The following SMC6 variants were observed in gnomAD, a reference collection of about 807,000 sequenced individuals.
SMC6 encodes structural maintenance of chromosomes 6, also known as structural maintenance of chromosomes protein 6.
SMC6 carries 79 observed loss-of-function variants against 142.2 expected under a neutral mutation model. That is an observed-to-expected ratio of 0.56 (90% CI 0.46 to 0.67). SMC6 has a LOEUF of 0.67. Among genes scored for constraint, SMC6 ranks in the 30% least tolerant of loss-of-function variants. The pLI is 0.00. For synonymous variants in SMC6, 411 were observed against 412.4 expected (o/e 1.00, Z 0.04); for missense variants, 1,072 against 1,284.0 (o/e 0.83, Z 2.52).
chr2:17,724,058 T>C (rs192683098), intron 9 of SMC6, among the ~76,000 whole-genome samples: 113 of 152,288 alleles, frequency 7.4e-4, no homozygotes, highest in African/African-American at 2.6e-3. Context: ...AGAAAATAAG[T>C]GTTTAATCCC....
chr2:17,701,958 C>A, intron 19 of SMC6, 49 bp from the exon 20 acceptor site: 3 of 981,342 alleles, frequency 3.1e-6, no homozygotes, highest in South Asian at 1.5e-5. Flanking sequence ...AAATTTAAAC[C>A]GAAAACCTTG....
chr2:17,721,175 T>G lies in SMC6; in HGVS notation c.813A>C (p.Leu271Phe). 6.2e-7 allele frequency: 1 copy of G among 1,612,170 alleles called. No individual in the cohort carries two copies. Among genetic ancestry groups the G allele is most frequent in the African/African-American group, 1.3e-5 (1 of 74,926 alleles). The change falls in exon 10 of 28, where the codon TTA becomes TTC. Residue 271 changes from leucine to phenylalanine, a missense_variant. Physicochemically the swap from Leu to Phe is conservative, Grantham distance 22. Coordinates refer to ENST00000448223, the MANE Select transcript of SMC6 (RefSeq NM_001142286.2). ...IAGLSTMKTN[L>F]ESLKHEMAWA... is the part of the protein sequence containing the mutation. ...AAGCCATTTCATGTTTCAAGGACTCTAAATTAGTCTTCATTGTACTTAAAC... is the reference window on the plus strand; with the variant it reads ...AAGCCATTTCATGTTTCAAGGACTCGAAATTAGTCTTCATTGTACTTAAAC...
At chr2:17,707,813 G>C (rs1197590627) in intron 17 of SMC6, among the ~76,000 whole-genome samples, 1 of 151,940 alleles carries the variant, frequency 6.6e-6, no homozygotes, top group Non-Finnish European at 1.5e-5. Context: ...AATATGTAGG[G>C]AAAGTCTGGA....
chr2:17,733,202 C>A (rs1281977066), intron 5 of SMC6, among the ~76,000 whole-genome samples: 5 of 152,254 alleles, frequency 3.3e-5, no homozygotes, highest in South Asian at 2.1e-4. Flanking sequence ...AGAAATACTC[C>A]AGATGAGCTT....
At chr2:17,730,291 G>A (rs1454976319) in intron 7 of SMC6, among the ~76,000 whole-genome samples, 1 of 151,896 alleles carries the variant, frequency 6.6e-6, no homozygotes, top group Non-Finnish European at 1.5e-5. Flanking sequence ...ACTAAGCCTT[G>A]GCCCCTACAA....
Position 17,698,221 on chromosome 2 carries a change from A to C in SMC6, c.2395-1795T>G, listed in dbSNP as rs145529714. ...TCTAAAATGGTGGAAATGGTTACAC[A>C]ACTCTGAATACATGAAAAATCATTG... On this transcript the variant is annotated intron_variant, in intron 21 of 27. Transcript: ENST00000448223. 1.7e-3 allele frequency among the ~76,000 whole-genome samples: 253 copies of C among 152,176 alleles called. 3 individuals carry two copies. The highest frequency in any genetic ancestry group is 3.0e-3 in the Non-Finnish European group (202 of 67,902).
In SMC6 at chr2:17,703,303, AAGG is replaced by A. The variant is rs375008212; in HGVS notation, c.2007-14_2007-12del. The A allele has an allele frequency of 5.4e-4, 858 of 1,591,116 alleles. 5 individuals carry two copies. In the African/African-American group the frequency reaches 7.2e-3, roughly 13 times the overall value. Reference sequence around the variant, plus strand: ...TCATTCTCCAAGTCACTTGATAGGAAAGGAGAAGATAGAAAATACTTTAAATCT... The same window carrying A: ...TCATTCTCCAAGTCACTTGATAGGAAAGAAGATAGAAAATACTTTAAATCT... On this transcript the variant is annotated splice_polypyrimidine_tract_variant and intron_variant, in intron 18 of 27. Transcript: ENST00000448223.
chr2:17,725,100 G>A (rs943159834), intron 9 of SMC6, among the ~76,000 whole-genome samples, 157 bp downstream of exon 9: 31 of 151,842 alleles, frequency 2.0e-4, no homozygotes, highest in Middle Eastern at 3.2e-3. Flanking sequence ...ATTAATACCC[G>A]GAATATAAAC....
intron 26 of SMC6, among the ~76,000 whole-genome samples, chr2:17,668,664 A>G (rs1489242516): frequency 6.6e-6 from 1 of 152,186 alleles, no homozygotes; most frequent in Non-Finnish European, 1.5e-5. Context: ...CCTGCCTGAT[A>G]GGGTATGGTG....
chr2:17,676,088 T>C (rs1436591287), intron 25 of SMC6, among the ~76,000 whole-genome samples: 2 of 152,166 alleles, frequency 1.3e-5, no homozygotes, highest in African/African-American at 4.8e-5. Context: ...TGCCTTGATT[T>C]GTTAATTGTG....
chr2:17,676,220 A>G (rs920653792), intron 25 of SMC6, among the ~76,000 whole-genome samples: 5 of 152,150 alleles, frequency 3.3e-5, no homozygotes, highest in Admixed American at 3.3e-4. Flanking sequence ...TGTGGATTCC[A>G]ATTCTATGTT....
In SMC6 at chr2:17,716,922, C is replaced by A; in HGVS notation, c.1182-17G>T. ...TGGTCAGTACTAACAGTAAATAACCCAAAGTGAAAAATGTTAGTTCAATGA... is the reference window on the plus strand; with the variant it reads ...TGGTCAGTACTAACAGTAAATAACCAAAAGTGAAAAATGTTAGTTCAATGA... On this transcript the variant is annotated splice_polypyrimidine_tract_variant and intron_variant, in intron 13 of 27. Transcript: ENST00000448223. 6.3e-7 allele frequency: 1 copy of A among 1,583,860 alleles called. No homozygotes were observed. The highest frequency in any genetic ancestry group is 1.2e-5 in the South Asian group (1 of 85,180).
At position 17,700,301 on chromosome 2, in the gene SMC6, C is replaced by T. The variant is rs750985291; in HGVS notation, c.2301G>A (p.Glu767=). 3 of 1,611,018 alleles carry T rather than the reference C, an allele frequency of 1.9e-6. No individual in the cohort carries two copies. The highest frequency in any genetic ancestry group is 2.5e-6 in the Non-Finnish European group (3 of 1,178,646). ...EHMEQQKENM[E]HLKSLKIEAE... ...CTTCTATTTTCAGACTTTTAAGATG[C>T]TCCATATTTTCTTTTTGTTGCTCCA... is the stretch of plus-strand genomic sequence containing the variant. The change falls in exon 21 of 28, where the codon GAG becomes GAA. Residue 767 remains glutamate, a synonymous_variant. Coordinates refer to ENST00000448223, the MANE Select transcript of SMC6 (RefSeq NM_001142286.2).
chr2:17,693,242 A>G (rs1253940455), intron 23 of SMC6, among the ~76,000 whole-genome samples: 1 of 152,194 alleles, frequency 6.6e-6, no homozygotes, highest in Non-Finnish European at 1.5e-5. Context: ...CTATAAAGAC[A>G]CATGCACATG....
Position 17,721,208 on chromosome 2 carries a change from A to G in SMC6, c.780T>C (p.Ser260=). Residue 260 remains serine, a synonymous_variant, in exon 10 of 28, where the codon AGT becomes AGC. Transcript: ENST00000448223. ...TCTTCATTGTACTTAAACCAGCAATACTTTGAAAACGTTCCTCTTTCTCTA... is the reference window on the plus strand; with the variant it reads ...TCTTCATTGTACTTAAACCAGCAATGCTTTGAAAACGTTCCTCTTTCTCTA... ...QCVEKEERFQ[S]IAGLSTMKTN... The G allele has an allele frequency of 6.2e-7, 1 of 1,611,824 alleles. No homozygotes were observed. The highest frequency in any genetic ancestry group is 8.5e-7 in the Non-Finnish European group (1 of 1,179,380).
At chr2:17,752,663 CG>C (rs1671106415) in intron 2 of SMC6, among the ~76,000 whole-genome samples, 1 of 152,130 alleles carries the variant, frequency 6.6e-6, no homozygotes, top group Admixed American at 6.5e-5. Context: ...CTATGTTTCA[CG>C]TAGAAATCAA....
chr2:17,696,525 G>A (rs1667995625), intron 21 of SMC6, 99 bp from the exon 22 acceptor site: 3 of 1,215,746 alleles, frequency 2.5e-6, no homozygotes, highest in African/African-American at 1.5e-5. Flanking sequence ...GGATTATGCT[G>A]TTTGAAGAGG....
rs575998601 is a variant in SMC6 at position 17,725,662 on chromosome 2, G to A, written c.625-304C>T. Reference sequence around the variant, plus strand: ...TAATTCCATTCTTTAAGCAAAAACAGCTGAAAAGACTGGCATCGTTGGTCT... The same window carrying A: ...TAATTCCATTCTTTAAGCAAAAACAACTGAAAAGACTGGCATCGTTGGTCT... On this transcript the variant is annotated intron_variant, in intron 8 of 27. Coordinates refer to ENST00000448223, the MANE Select transcript of SMC6 (RefSeq NM_001142286.2). Among the ~76,000 whole-genome samples, 3 of 152,270 alleles carry A rather than the reference G, an allele frequency of 2.0e-5. No homozygotes were observed. In the South Asian group the frequency reaches 6.2e-4, roughly 32 times the overall value.
At chr2:17,739,879 AACACACACACACACACACAC>A (rs60784309) in intron 4 of SMC6, among the ~76,000 whole-genome samples, 37 of 115,538 alleles carry the variant, frequency 3.2e-4, no homozygotes, top group African/African-American at 5.6e-4. Context: ...GAATATGGTA[AACACACACACACACACACAC>A]ACACACACAC....
Sources: gnomAD v4.1 joint callset for allele counts (sites outside exome capture counted in the v4.1 genomes callset) on GRCh38, gnomAD v4.1.1 for gene constraint, MANE v1.5 for transcripts, NCBI Gene and HGNC (gene_info 2026-07-23, HGNC 2026-07-21) for gene names.